The following CPNE8 variants were observed in gnomAD, a reference collection of about 807,000 sequenced individuals.
CPNE8 encodes the protein copine 8.
A neutral mutation model predicts 81.5 loss-of-function variants in CPNE8; 45 were observed. The ratio of observed to expected loss-of-function variants is 0.55; its 90% CI spans 0.44 to 0.71. The LOEUF (loss-of-function observed/expected upper bound fraction) is 0.71. CPNE8 is among the 30% of genes least tolerant of loss of function. CPNE8 has a pLI of 0.00. For synonymous variants in CPNE8, 252 were observed against 226.3 expected (o/e 1.11, Z -1.02); for missense variants, 594 against 672.1 (o/e 0.88, Z 1.28).
At chr12:38,656,052 C>T (rs1217175537) in intron 19 of CPNE8, among the ~76,000 whole-genome samples, 1 of 150,242 alleles carries the variant, frequency 6.7e-6, no homozygotes, top group Non-Finnish European at 1.5e-5. Context: ...GTGTTTATTC[C>T]CTAGCTATGG....
At chr12:38,692,698 T>G (rs1939704316) in intron 15 of CPNE8, among the ~76,000 whole-genome samples, 1 of 152,040 alleles carries the variant, frequency 6.6e-6, no homozygotes, top group Non-Finnish European at 1.5e-5. Flanking sequence ...GAAAGGAAAA[T>G]TAATAAACCT....
At chr12:38,705,427 T>C (rs909206861) in intron 13 of CPNE8, among the ~76,000 whole-genome samples, 2 of 152,186 alleles carry the variant, frequency 1.3e-5, no homozygotes, top group Non-Finnish European at 2.9e-5. Flanking sequence ...CTTTCTTGCT[T>C]ATATTTAACA....
intron 7 of CPNE8, among the ~76,000 whole-genome samples, chr12:38,774,008 T>C (rs1941865685): frequency 6.6e-6 from 1 of 152,226 alleles, no homozygotes; most frequent in African/African-American, 2.4e-5. Context: ...TATTGACTCA[T>C]TGAAAGATAA....
At chr12:38,766,503 AC>A (rs1399992262) in intron 8 of CPNE8, among the ~76,000 whole-genome samples, 1 of 152,214 alleles carries the variant, frequency 6.6e-6, no homozygotes, top group African/African-American at 2.4e-5. Flanking sequence ...TAATAGTATA[AC>A]ACTATAGCAA....
intron 1 of CPNE8, among the ~76,000 whole-genome samples, chr12:38,902,419 A>AAAGAAAGAAAGAAAG (rs1565670435): frequency 2.0e-5 from 2 of 99,492 alleles, no homozygotes; most frequent in Non-Finnish European, 3.7e-5. Context: ...AAGAAAGAAA[A>AAAGAAAGAAAGAAAG]AGAAAGAAAG....
intron 3 of CPNE8, among the ~76,000 whole-genome samples, chr12:38,851,777 T>C (rs1781725164): frequency 6.6e-6 from 1 of 152,210 alleles, no homozygotes; most frequent in African/African-American, 2.4e-5. Context: ...CTGTAGTACT[T>C]ATAATAAAAT....
intron 6 of CPNE8, among the ~76,000 whole-genome samples, chr12:38,797,943 G>A (rs900361731): frequency 1.3e-5 from 2 of 152,110 alleles, no homozygotes; most frequent in African/African-American, 4.8e-5. Context: ...AGAAGAAAGG[G>A]TATCAGTGAT....
At position 38,698,588 on chromosome 12, in the gene CPNE8, G is replaced by C. The variant is rs770949435; in HGVS notation, c.961+4287C>G. On this transcript the variant is annotated intron_variant, in intron 14 of 19. Coordinates refer to ENST00000331366, the MANE Select transcript of CPNE8 (RefSeq NM_153634.3). ...TTTGAGTTAATTTTCGTATGCGAGG[G>C]AAGAGTCCAACTTCCTGCTTTTGCA... 3.9e-5 allele frequency among the ~76,000 whole-genome samples: 6 copies of C among 152,150 alleles called. No individual in the cohort carries two copies. The East Asian group carries it at 7.7e-4, about 20-fold the overall frequency.
rs768263649 is a variant in CPNE8, at chr12:38,905,583, G to C, written c.-49C>G. ...TGTCCGGCGCCCACAACCACAGCTC[G>C]GGCGGACTGAGGGCTAGCTCCCGTC... On this transcript the variant is annotated 5_prime_UTR_variant, in exon 1 of 20. Transcript: ENST00000331366. 42 of 1,540,800 alleles carry C rather than the reference G, an allele frequency of 2.7e-5. No homozygotes were observed. The highest frequency in any genetic ancestry group is 3.3e-5 in the Non-Finnish European group (38 of 1,145,034).
Position 38,839,913 on chromosome 12 carries a change from T to C in CPNE8, c.330+3A>G, listed in dbSNP as rs1592131260. On this transcript the variant is annotated splice_donor_region_variant and intron_variant, in intron 5 of 19. Transcript: ENST00000331366. The stretch of plus-strand genomic sequence containing the variant: ...TTATAAAAACATAAAAATATGAACT[T>C]ACATGTTTGGATAAGTTGGGGCTCT... The C allele has an allele frequency of 1.3e-6, 2 of 1,574,424 alleles. No individual in the cohort carries two copies. The highest frequency in any genetic ancestry group is 2.3e-5 in the East Asian group (1 of 44,340).
chr12:38,739,001 T>C (rs1026516868), intron 10 of CPNE8, among the ~76,000 whole-genome samples: 14 of 151,974 alleles, frequency 9.2e-5, no homozygotes, highest in African/African-American at 3.4e-4. Flanking sequence ...TTCGTAGAGA[T>C]GGGGTTTCAC....
At chr12:38,867,877 T>A (rs894365768) in intron 3 of CPNE8, among the ~76,000 whole-genome samples, 1 of 152,168 alleles carries the variant, frequency 6.6e-6, no homozygotes, top group African/African-American at 2.4e-5. Flanking sequence ...CATAATTCAC[T>A]CATTAGATAG....
chr12:38,806,451 T>C lies in CPNE8; in HGVS notation c.407+22928A>G, dbSNP rs1458679098. 4.0e-5 allele frequency among the ~76,000 whole-genome samples: 6 copies of C among 149,410 alleles called. 1 individual carries two copies. Among genetic ancestry groups the C allele is most frequent in the African/African-American group, 9.7e-5 (4 of 41,286 alleles). On this transcript the variant is annotated intron_variant, in intron 6 of 19. Transcript: ENST00000331366. ...TGGGATGCAAGGCTGGTTCAATATA[T>C]GCAAATCAATAAATGTAATCCAGCA...
chr12:38,798,783 T>A (rs920819583), intron 6 of CPNE8, among the ~76,000 whole-genome samples: 1 of 152,154 alleles, frequency 6.6e-6, no homozygotes, highest in Non-Finnish European at 1.5e-5. Flanking sequence ...GATCCATCAG[T>A]GTGCTGTATT....
intron 10 of CPNE8, among the ~76,000 whole-genome samples, chr12:38,752,518 C>A (rs1283080281): frequency 6.6e-6 from 1 of 152,132 alleles, no homozygotes; most frequent in East Asian, 1.9e-4. Context: ...TCCCAGGACC[C>A]TATTCCCATT....
At chr12:38,892,070 A>T (rs960349931) in intron 1 of CPNE8, among the ~76,000 whole-genome samples, 1 of 152,212 alleles carries the variant, frequency 6.6e-6, no homozygotes, top group Non-Finnish European at 1.5e-5. Context: ...AAATATCACA[A>T]ATTGCACTGA....
At chr12:38,897,559 G>C (rs2137156960) in intron 1 of CPNE8, among the ~76,000 whole-genome samples, 1 of 151,374 alleles carries the variant, frequency 6.6e-6, no homozygotes, top group East Asian at 1.9e-4. Flanking sequence ...ACATATTCAT[G>C]ATATAATATT....
intron 11 of CPNE8, among the ~76,000 whole-genome samples, chr12:38,728,461 G>GGGTTC (rs1315789527): frequency 2.6e-5 from 4 of 152,066 alleles, no homozygotes; most frequent in African/African-American, 4.8e-5. Flanking sequence ...TTCACCAGAA[G>GGGTTC]GGTTCGACGG....
At chr12:38,730,834 T>C (rs1380915340) in intron 10 of CPNE8, among the ~76,000 whole-genome samples, 2 of 141,352 alleles carry the variant, frequency 1.4e-5, no homozygotes, top group Non-Finnish European at 3.1e-5. Context: ...CATATTAATA[T>C]GTGTAATAGT....
Sources: allele counts gnomAD v4.1 joint callset (sites outside exome capture counted in the v4.1 genomes callset), GRCh38; gene constraint gnomAD v4.1.1; transcripts MANE v1.5; gene names NCBI Gene and HGNC (gene_info 2026-07-23, HGNC 2026-07-21).